Variants in PHACTR1 observed in about 807,000 individuals in gnomAD.
PHACTR1 encodes RPEL repeat containing 1.
PHACTR1 carries 16 observed loss-of-function variants against 69.2 expected under a neutral mutation model. The ratio of observed to expected loss-of-function variants is 0.23; its 90% confidence interval spans 0.16 to 0.35. The LOEUF is 0.35. Among genes scored for constraint, PHACTR1 ranks in the 10% least tolerant of loss-of-function variants. The pLI is 1.00. For synonymous variants in PHACTR1, 312 were observed against 284.5 expected, an observed-to-expected ratio of 1.10 and a Z score of -0.97; for missense variants, 510 against 734.7, an observed-to-expected ratio of 0.69 and a Z score of 3.54.
intron 4 of PHACTR1, among the ~76,000 whole-genome samples, chr6:13,000,638 AAGGGGGGAGGGAGGG>A (rs1378754855): frequency 1.0e-5 from 1 of 97,864 alleles, no homozygotes; most frequent in African/African-American, 4.7e-5. Context: ...GGAAGGAAGG[AAGGGGGGAGGGAGGG>A]AGGAAGGGGA....
At chr6:13,168,069 C>T (rs968203741) in intron 6 of PHACTR1, among the ~76,000 whole-genome samples, 13 of 152,194 alleles carry the variant, frequency 8.5e-5, no homozygotes, top group African/African-American at 3.1e-4. Context: ...TTACCAGGCA[C>T]TATTGTTTGT....
chr6:12,798,487 G>C (rs1415837139), intron 4 of PHACTR1, among the ~76,000 whole-genome samples: 2 of 152,176 alleles, frequency 1.3e-5, no homozygotes, highest in Non-Finnish European at 2.9e-5. Flanking sequence ...CCAGACTCAA[G>C]GAACAGCCTA....
chr6:12,973,349 T>A (rs1794465429), intron 4 of PHACTR1, among the ~76,000 whole-genome samples: 1 of 152,180 alleles, frequency 6.6e-6, no homozygotes, highest in South Asian at 2.1e-4. Flanking sequence ...TTTAGAGGAA[T>A]AAAATAAAGA....
At chr6:13,119,642 A>T (rs973335517) in intron 5 of PHACTR1, among the ~76,000 whole-genome samples, 4 of 152,098 alleles carry the variant, frequency 2.6e-5, no homozygotes, top group African/African-American at 9.7e-5. Context: ...ACTGAGGAGG[A>T]GGTTCAGACC....
At chr6:12,955,950 T>C (rs1266961381) in intron 4 of PHACTR1, among the ~76,000 whole-genome samples, 1 of 152,130 alleles carries the variant, frequency 6.6e-6, no homozygotes, top group Non-Finnish European at 1.5e-5. Context: ...AGTTACAAAG[T>C]GTTTTGAAAG....
At chr6:12,767,680 A>C (rs1238858926) in intron 4 of PHACTR1, among the ~76,000 whole-genome samples, 1 of 152,160 alleles carries the variant, frequency 6.6e-6, no homozygotes, top group African/African-American at 2.4e-5. Context: ...GGTGTAGGGT[A>C]ATACATGAGA....
chr6:13,120,350 G>A (rs1278228201), intron 5 of PHACTR1, among the ~76,000 whole-genome samples: 2 of 152,038 alleles, frequency 1.3e-5, no homozygotes, highest in African/African-American at 2.4e-5. Context: ...GAATAACAAG[G>A]GGCCCCACTG....
chr6:13,021,699 C>A (rs1385957854), intron 4 of PHACTR1, among the ~76,000 whole-genome samples: 1 of 152,134 alleles, frequency 6.6e-6, no homozygotes, highest in African/African-American at 2.4e-5. Flanking sequence ...TTGTTATTAT[C>A]TGTTATGGAT....
intron 7 of PHACTR1, among the ~76,000 whole-genome samples, chr6:13,195,376 T>C (rs556840463): frequency 1.4e-4 from 21 of 152,312 alleles, no homozygotes; most frequent in Admixed American, 4.6e-4. Flanking sequence ...CCTTTATTCA[T>C]TGGGCACTAA....
intron 5 of PHACTR1, among the ~76,000 whole-genome samples, chr6:13,081,252 C>T (rs1811326631): frequency 6.6e-6 from 1 of 152,126 alleles, no homozygotes; most frequent in Non-Finnish European, 1.5e-5. Flanking sequence ...AGATGAACTC[C>T]CCTACAGCAG....
chr6:12,889,474 T>A (rs1006512711), intron 4 of PHACTR1, among the ~76,000 whole-genome samples: 2 of 152,216 alleles, frequency 1.3e-5, no homozygotes, highest in Non-Finnish European at 2.9e-5. Flanking sequence ...TGGGAATGTA[T>A]AGGCTTGGAA....
chr6:12,912,599 C>A (rs945826395), intron 4 of PHACTR1, among the ~76,000 whole-genome samples: 1 of 152,150 alleles, frequency 6.6e-6, no homozygotes, highest in African/African-American at 2.4e-5. Context: ...TGATAGCATA[C>A]CTTTGCTGAG....
chr6:12,802,089 A>ATATAATAAAGTACATTTATTATG (rs1773767212), intron 4 of PHACTR1, among the ~76,000 whole-genome samples: 1 of 130,712 alleles, frequency 7.7e-6, no homozygotes, highest in Non-Finnish European at 1.7e-5. Flanking sequence ...TACATATTAT[A>ATATAATAAAGTACATTTATTATG]TAAAATAATT....
In PHACTR1 at chr6:12,774,356, TCAATAATTTGAA is replaced by T. The variant is rs1449145666; in HGVS notation, c.250+24569_250+24580del. On this transcript the variant is annotated intron_variant, in intron 4 of 14. Transcript: ENST00000332995. ...ATACTTCAAAGGAAATATGTTCAAATCAATAATTTGAACATATTTGGCTTTTGTTGTTGTTGT... is the reference window on the plus strand; with the variant it reads ...ATACTTCAAAGGAAATATGTTCAAATCATATTTGGCTTTTGTTGTTGTTGT... 3.9e-5 allele frequency among the ~76,000 whole-genome samples: 6 copies of T among 152,214 alleles called. No homozygotes were observed. In the East Asian group the frequency reaches 9.7e-4, roughly 24 times the overall value.
At chr6:12,799,643 A>G (rs1404917784) in intron 4 of PHACTR1, among the ~76,000 whole-genome samples, 1 of 152,202 alleles carries the variant, frequency 6.6e-6, no homozygotes, top group African/African-American at 2.4e-5. Context: ...AAACTGACAT[A>G]TTACAAATTT....
chr6:12,831,463 T>C (rs1777573762), intron 4 of PHACTR1, among the ~76,000 whole-genome samples: 1 of 152,220 alleles, frequency 6.6e-6, no homozygotes. Context: ...TGTCATCTAT[T>C]ATTTCATAAC....
At chr6:12,911,151 T>C (rs1786336786) in intron 4 of PHACTR1, among the ~76,000 whole-genome samples, 1 of 152,216 alleles carries the variant, frequency 6.6e-6, no homozygotes, top group African/African-American at 2.4e-5. Flanking sequence ...CCCTGTTGAC[T>C]TAGAAGGCTC....
rs561164153 is a variant in PHACTR1 at position 13,050,473 on chromosome 6, A to G, written c.251-2892A>G. On this transcript the variant is annotated intron_variant, in intron 4 of 14. Coordinates refer to ENST00000332995, the MANE Select transcript of PHACTR1 (RefSeq NM_030948.6). Reference sequence around the variant, plus strand: ...CAATCACTCAGCATAAAATCTCCTGATCAGTAATACTTTTGTGCATTTTTG... The same window carrying G: ...CAATCACTCAGCATAAAATCTCCTGGTCAGTAATACTTTTGTGCATTTTTG... Among the ~76,000 whole-genome samples, 81 of 152,250 alleles carry G rather than the reference A, an allele frequency of 5.3e-4. 1 individual carries two copies. The highest frequency in any genetic ancestry group is 8.8e-5 in the Non-Finnish European group (6 of 68,026).
chr6:12,756,132 A>G (rs967777440), intron 4 of PHACTR1, among the ~76,000 whole-genome samples: 1 of 152,172 alleles, frequency 6.6e-6, no homozygotes, highest in Non-Finnish European at 1.5e-5. Flanking sequence ...TTTTTGACAT[A>G]TGCAACTTGA....
Sources: gnomAD v4.1 joint callset for allele counts (sites outside exome capture counted in the v4.1 genomes callset) on GRCh38, gnomAD v4.1.1 for gene constraint, MANE v1.5 for transcripts, NCBI Gene and HGNC (gene_info 2026-07-23, HGNC 2026-07-21) for gene names.